The following TPD52 variants were observed in gnomAD, a reference collection of about 807,000 sequenced individuals.
TPD52 encodes the protein prostate and colon associated protein.
Under a neutral mutation model 31.3 loss-of-function variants are expected in TPD52, and 17 were observed. The ratio of observed to expected loss-of-function variants is 0.54; its 90% confidence interval spans 0.37 to 0.82. The LOEUF (loss-of-function observed/expected upper bound fraction) is 0.82. Ranked by LOEUF, TPD52 falls within the 40% of genes least tolerant of loss-of-function variation. The pLI is 0.00. For missense variants in TPD52, 212 were observed against 240.1 expected, an observed-to-expected ratio of 0.88 and a Z score of 0.77; for synonymous variants, 83 against 89.6, an observed-to-expected ratio of 0.93 and a Z score of 0.42.
intron 2 of TPD52, among the ~76,000 whole-genome samples, chr8:80,059,958 GT>G (rs1268110400): frequency 6.6e-6 from 1 of 151,942 alleles, no homozygotes; most frequent in African/African-American, 2.4e-5. Context: ...GTGCACGCCT[GT>G]AGTCCCAGCT....
chr8:80,071,382 C>A (rs758131718), intron 1 of TPD52, among the ~76,000 whole-genome samples: 11 of 152,120 alleles, frequency 7.2e-5, no homozygotes, highest in Non-Finnish European at 1.5e-4. Context: ...AGGTTCCATG[C>A]CCTATAACTT....
chr8:80,146,125 G>C (rs1810177423), intron 1 of TPD52, among the ~76,000 whole-genome samples: 2 of 152,224 alleles, frequency 1.3e-5, no homozygotes. Context: ...AACTGGTTTA[G>C]AAGGCAGAGG....
chr8:80,033,906 G>T (rs1809758099), downstream of TPD52, among the ~76,000 whole-genome samples: 1 of 152,058 alleles, frequency 6.6e-6, no homozygotes, highest in Non-Finnish European at 1.5e-5. Context: ...TGGGTTGTGG[G>T]CTCTACCTAA....
At chr8:80,047,589 A>G (rs1346073069) in intron 5 of TPD52, among the ~76,000 whole-genome samples, 1 of 152,244 alleles carries the variant, frequency 6.6e-6, no homozygotes, top group East Asian at 1.9e-4. Context: ...TTTGAGTGAA[A>G]GAATGAATGA....
At chr8:80,109,109 A>G (rs1406678872) in intron 1 of TPD52, among the ~76,000 whole-genome samples, 1 of 152,172 alleles carries the variant, frequency 6.6e-6, no homozygotes, top group Non-Finnish European at 1.5e-5. Flanking sequence ...AGTGAGTAAA[A>G]GCTATCAGTT....
chr8:80,060,809 G>T (rs1009850988), intron 2 of TPD52, among the ~76,000 whole-genome samples: 1 of 148,304 alleles, frequency 6.7e-6, no homozygotes, highest in Non-Finnish European at 1.5e-5. Flanking sequence ...GAATAAAAGA[G>T]AACTTCCTCA....
chr8:80,153,043 A>G (rs955576506), intron 1 of TPD52, among the ~76,000 whole-genome samples: 1 of 152,240 alleles, frequency 6.6e-6, no homozygotes, highest in Non-Finnish European at 1.5e-5. Context: ...TATATTAAAT[A>G]AAAGAAGACT....
intron 1 of TPD52, among the ~76,000 whole-genome samples, chr8:80,140,625 A>C (rs1238403834): frequency 6.6e-6 from 1 of 152,138 alleles, no homozygotes; most frequent in Non-Finnish European, 1.5e-5. Flanking sequence ...ACTTAAAATT[A>C]ACACTGACTT....
intron 1 of TPD52, among the ~76,000 whole-genome samples, chr8:80,163,004 G>T (rs1168834489): frequency 6.6e-6 from 1 of 152,080 alleles, no homozygotes; most frequent in African/African-American, 2.4e-5. Flanking sequence ...GAGAGAAACT[G>T]GAATCCTTGT....
At chr8:80,042,743 G>A in intron 6 of TPD52, 75 bp from the exon 7 acceptor site, 1 of 1,346,138 alleles carries the variant, frequency 7.4e-7, no homozygotes, top group Non-Finnish European at 1.0e-6. Flanking sequence ...AAATATAATT[G>A]ATTCCTCTTC....
chr8:80,086,249 G>A (rs1481966533), intron 1 of TPD52, among the ~76,000 whole-genome samples: 2 of 150,874 alleles, frequency 1.3e-5, no homozygotes, highest in African/African-American at 4.9e-5. Flanking sequence ...CTCCTGAGTA[G>A]CTGGGACTAC....
Position 80,171,517 on chromosome 8 carries a change from C to G in TPD52, c.-74G>C. ...CCGTCCCGGCTCGGATCGCCCGCCG[C>G]GCCGCGCAGAGCTCCTCCTCGCCTC... On this transcript the variant is annotated 5_prime_UTR_variant, in exon 1 of 8. Transcript: ENST00000518937. The G allele has an allele frequency of 6.7e-7, 1 of 1,494,570 alleles. No homozygotes were observed. Among genetic ancestry groups the G allele is most frequent in the South Asian group, 1.3e-5 (1 of 77,372 alleles). The allele number at this position is 1,494,570 out of a possible 1,614,324, so 92.6% of individuals were successfully genotyped here. A position where few individuals can be genotyped will look rare whatever the true frequency, so the allele number is the denominator to read the frequency against.
At chr8:80,123,746 G>A (rs1808415887) in intron 1 of TPD52, among the ~76,000 whole-genome samples, 1 of 152,202 alleles carries the variant, frequency 6.6e-6, no homozygotes, top group Admixed American at 6.5e-5. Context: ...CTGAAGGAGG[G>A]CACAGAGAGG....
intron 1 of TPD52, among the ~76,000 whole-genome samples, chr8:80,165,669 C>CTAA (rs2131276107): frequency 6.6e-6 from 1 of 152,332 alleles, no homozygotes; most frequent in African/African-American, 2.4e-5. Flanking sequence ...CCTTGCTAAA[C>CTAA]TAAACCTTAC....
At chr8:80,134,718 T>C (rs1809269122) in intron 1 of TPD52, among the ~76,000 whole-genome samples, 1 of 152,174 alleles carries the variant, frequency 6.6e-6, no homozygotes, top group African/African-American at 2.4e-5. Flanking sequence ...AGCAACTAGG[T>C]GCAGGAGCCG....
intron 1 of TPD52, among the ~76,000 whole-genome samples, chr8:80,164,519 A>G (rs1343960817): frequency 6.6e-6 from 1 of 152,208 alleles, no homozygotes; most frequent in East Asian, 1.9e-4. Flanking sequence ...ATAAAACCAT[A>G]AAAGCATAAA....
intron 1 of TPD52, among the ~76,000 whole-genome samples, chr8:80,142,392 G>T (rs1279434669): frequency 6.6e-6 from 1 of 152,226 alleles, no homozygotes; most frequent in African/African-American, 2.4e-5. Flanking sequence ...TAACTGTGAA[G>T]ACGCTGTCTC....
rs771209180 is a variant in TPD52 at position 80,053,428 on chromosome 8, T to C, written c.138A>G (p.Val46=). Residue 46 remains valine (V), a splice_region_variant and synonymous_variant, in exon 3 of 8, where the codon GTA becomes GTG. Transcript: ENST00000518937. The part of the protein sequence containing the change: ...QEELRRELAK[V]EEEIQTLSQV... ...GAGACAGAGTCTGGATTTCTTCTTC[T>C]ACCTATGAGGAAGGGGTTTGGGGTA... is the stretch of plus-strand genomic sequence containing the variant. The C allele has an allele frequency of 6.2e-7, 1 of 1,612,990 alleles. No homozygotes were observed. The highest frequency in any genetic ancestry group is 8.5e-7 in the Non-Finnish European group (1 of 1,179,428).
chr8:80,054,377 A>AG (rs1811659153), intron 2 of TPD52, among the ~76,000 whole-genome samples: 1 of 152,220 alleles, frequency 6.6e-6, no homozygotes, highest in African/African-American at 2.4e-5. Context: ...CCAGGAAAAC[A>AG]GGGAAAATGG....
Sources: allele counts gnomAD v4.1 joint callset (sites outside exome capture counted in the v4.1 genomes callset), GRCh38; gene constraint gnomAD v4.1.1; transcripts MANE v1.5; gene names NCBI Gene and HGNC (gene_info 2026-07-23, HGNC 2026-07-21).